CES4A: variants seen among roughly 807,000 people sequenced by gnomAD.
CES4A encodes the protein carboxylesterase 6.
Under a neutral mutation model 65.4 loss-of-function variants are expected in CES4A, and 48 were observed. The observed-to-expected ratio is 0.73, with a 90% CI of 0.58 to 0.93. The LOEUF is 0.93. Among genes scored for constraint, CES4A ranks in the 40% least tolerant of loss-of-function variants. The pLI is 0.00. For missense variants in CES4A, 685 were observed against 728.5 expected (o/e 0.94, Z 0.69); for synonymous variants, 247 against 281.8 (o/e 0.88, Z 1.24).
Position 67,009,032 on chromosome 16 carries a change from C to G in CES4A, c.1576C>G (p.Leu526Val), listed in dbSNP as rs1332589387. The change falls in exon 14 of 14, where the codon CTG (leucine) becomes GTG (valine). Residue 526 changes from leucine to valine, a missense_variant. Coordinates refer to ENST00000648724, the Ensembl canonical transcript of CES4A. ...ACGCTACAACAAGGATGAAAAGTAC[C>G]TGCAGCTGGATTTTACCACAAGAGT... 2 of 1,614,198 alleles carry G rather than the reference C, an allele frequency of 1.2e-6. No homozygotes were observed. The highest frequency in any genetic ancestry group is 1.7e-6 in the Non-Finnish European group (2 of 1,180,038).
chr16:66,994,216 TTTTATTTATTTA>T (rs59252158), intron 1 of CES4A, among the ~76,000 whole-genome samples: 24 of 144,196 alleles, frequency 1.7e-4, no homozygotes, highest in Non-Finnish European at 2.1e-4. Flanking sequence ...AGACATAAAT[TTTTATTTATTTA>T]TTTATTTATT....
intron 11 of CES4A, 85 bp downstream of exon 11, chr16:67,005,478 C>T: frequency 2.3e-6 from 3 of 1,297,656 alleles, no homozygotes; most frequent in Non-Finnish European, 3.2e-6. Flanking sequence ...TCGACTGCTC[C>T]CCTACCCTCT....
chr16:67,000,389 G>A lies in CES4A; in HGVS notation c.261-249G>A. ...GTTCCTGCCTTGACAGCACCAACAG[G>A]AGCAGGAATCTCTCCACGGACTGAG... On this transcript the variant is annotated intron_variant, in intron 2 of 13. Coordinates refer to ENST00000648724, the Ensembl canonical transcript of CES4A. This position sits in a 1 kb window ranked among gnomAD's most constrained non-coding sequence, Gnocchi z 4.2. The A allele has an allele frequency of 1.2e-6, 1 of 812,662 alleles. No homozygotes were observed. The highest frequency in any genetic ancestry group is 1.5e-6 in the Non-Finnish European group (1 of 672,364). 50.3% of individuals were successfully genotyped at this position (812,662 alleles called of 1,614,324 possible).
At chr16:66,999,185 C>G (rs529510269) in intron 2 of CES4A, among the ~76,000 whole-genome samples, 131 of 152,278 alleles carry the variant, frequency 8.6e-4, no homozygotes, top group Admixed American at 2.1e-3. Flanking sequence ...GCAGGTGATG[C>G]TCTGGGAACA....
intron 1 of CES4A, among the ~76,000 whole-genome samples, chr16:66,990,831 A>G (rs535069925): frequency 8.6e-5 from 13 of 151,982 alleles, no homozygotes; most frequent in Non-Finnish European, 1.9e-4. Context: ...TTGAGTCTGT[A>G]GTTACATTGG....
At chr16:66,988,816 C>A (rs370940783) in exon 1 of CES4A, 1 of 1,567,936 alleles carries the variant, frequency 6.4e-7, no homozygotes, top group African/African-American at 1.4e-5. Context: ...TGCCTGATGG[C>A]GCAGACGGCC....
In CES4A at chr16:67,004,251, C is replaced by T. The variant is rs780812825; in HGVS notation, c.1080+27C>T. On this transcript the variant is annotated intron_variant, in intron 9 of 13. Coordinates refer to ENST00000648724, the Ensembl canonical transcript of CES4A. ...TAAGTGAGTAGGAGTTCAATTGGCT[C>T]TTGCCTTACGTAAGTGAGTACCATA... 1.9e-6 allele frequency: 3 copies of T among 1,613,400 alleles called. No individual in the cohort carries two copies. In the South Asian group the frequency reaches 3.3e-5, roughly 18 times the overall value.
chr16:66,994,937 GA>G (rs1964706372), intron 1 of CES4A, among the ~76,000 whole-genome samples: 1 of 152,088 alleles, frequency 6.6e-6, no homozygotes, highest in Admixed American at 6.5e-5. Flanking sequence ...CTGGAAGGTG[GA>G]GGTTGCAGTG....
Position 67,001,522 on chromosome 16 carries a change from A to G in CES4A, c.690+61A>G. On this transcript the variant is annotated intron_variant, in intron 5 of 13. Coordinates refer to ENST00000648724, the Ensembl canonical transcript of CES4A. The surrounding 1 kb of genome is among the most constrained non-coding windows in gnomAD (Gnocchi z 4.1). Reference sequence around the variant, plus strand: ...TAGGCTCCTGCGTTCCCACAAATGTATGCTCCACTGCACAGGCCATGTGCA... The same window carrying G: ...TAGGCTCCTGCGTTCCCACAAATGTGTGCTCCACTGCACAGGCCATGTGCA... 1 of 1,521,700 alleles carries G rather than the reference A, an allele frequency of 6.6e-7. No homozygotes were observed. The highest frequency in any genetic ancestry group is 8.9e-7 in the Non-Finnish European group (1 of 1,128,432). 94.3% of individuals were successfully genotyped at this position (1,521,700 alleles called of 1,614,324 possible). A position where few individuals can be genotyped will look rare whatever the true frequency, so the allele number is the denominator to read the frequency against.
intron 1 of CES4A, among the ~76,000 whole-genome samples, chr16:66,995,264 T>C (rs1051381484): frequency 6.6e-6 from 1 of 151,362 alleles, no homozygotes; most frequent in African/African-American, 2.4e-5. Context: ...GAGCCGAGAT[T>C]GCGCCACTGC....
In CES4A at chr16:67,001,079, A is replaced by AT. The variant is rs1180523637; in HGVS notation, c.536+90dup. On this transcript the variant is annotated intron_variant, in intron 4 of 13. Coordinates refer to ENST00000648724, the Ensembl canonical transcript of CES4A. The surrounding 1 kb of genome is among the most constrained non-coding windows in gnomAD (Gnocchi z 4.1). ...GGGAGGGGCGGGGCCTGGGGCGGGG[A>AT]TGGGGGGGGTGGGGCCGCGAGGCGG... 3.3e-5 allele frequency: 4 copies of AT among 122,930 alleles called. No individual in the cohort carries two copies. The highest frequency in any genetic ancestry group is 1.9e-4 in the African/African-American group (1 of 5,190). The allele number at this position is 122,930 out of a possible 1,614,324, so 7.6% of individuals were successfully genotyped here.
In CES4A at chr16:67,003,431, C is replaced by A; in HGVS notation, c.900+71C>A. The A allele has an allele frequency of 1.3e-6, 2 of 1,585,836 alleles. No individual in the cohort carries two copies. The highest frequency in any genetic ancestry group is 1.7e-6 in the Non-Finnish European group (2 of 1,154,606). On this transcript the variant is annotated intron_variant, in intron 7 of 13. Transcript: ENST00000648724. This position sits in a 1 kb window ranked among gnomAD's most constrained non-coding sequence, Gnocchi z 4.2. Reference sequence around the variant, plus strand: ...TCCTCCTATCCTGGTACCCAGCCACCCCCAACTACTTCCCCAGGGACCCTG... The same window carrying A: ...TCCTCCTATCCTGGTACCCAGCCACACCCAACTACTTCCCCAGGGACCCTG...
chr16:67,000,716 C>T lies in CES4A; in HGVS notation c.339C>T (p.Ser113=). The T allele has an allele frequency of 6.4e-7, 1 of 1,550,414 alleles. No individual in the cohort carries two copies. Among genetic ancestry groups the T allele is most frequent in the Non-Finnish European group, 8.7e-7 (1 of 1,147,192 alleles). ...AACGGTACAAGTGGCTGCGCTTCAG[C>T]GAGGACTGTCTGTACCTGAACGTGT... Residue 113 remains serine, a synonymous_variant, in exon 3 of 14, where the codon AGC becomes AGT. Transcript: ENST00000648724. This position sits in a 1 kb window ranked among gnomAD's most constrained non-coding sequence, Gnocchi z 4.2.
In CES4A at chr16:67,005,102, C is replaced by T. The variant is rs1339036989; in HGVS notation, c.1162-138C>T. 4 of 925,074 alleles carry T rather than the reference C, an allele frequency of 4.3e-6. No individual in the cohort carries two copies. In the Admixed American group the frequency reaches 8.4e-5, roughly 19 times the overall value. 57.3% of individuals were successfully genotyped at this position (925,074 alleles called of 1,614,324 possible). On this transcript the variant is annotated intron_variant, in intron 10 of 13. Transcript: ENST00000648724. ...GGGTTACAATCAGCAGAGACAGAAA[C>T]TTTCCCAGGAAGCTCCCTTTCTCCC...
chr16:67,001,118 C>A lies in CES4A; in HGVS notation c.536+128C>A. 7.5e-7 allele frequency: 1 copy of A among 1,332,540 alleles called. No individual in the cohort carries two copies. Among genetic ancestry groups the A allele is most frequent in the Non-Finnish European group, 1.0e-6 (1 of 994,804 alleles). The allele number at this position is 1,332,540 out of a possible 1,614,324, so 82.5% of individuals were successfully genotyped here. A position where few individuals can be genotyped will look rare whatever the true frequency, so the allele number is the denominator to read the frequency against. On this transcript the variant is annotated intron_variant, in intron 4 of 13. Coordinates refer to ENST00000648724, the Ensembl canonical transcript of CES4A. The surrounding 1 kb of genome is among the most constrained non-coding windows in gnomAD (Gnocchi z 4.1). ...GCCGCGAGGCGGGGGCGGGGCCTGG[C>A]GCTCGGTGGAAGGGGCGGGCGCTCC...
In CES4A at chr16:66,995,830, G is replaced by T; in HGVS notation, c.260+1G>T. ...GAGATGCTACCACCTACCCGCCTGG[G>T]TAAGAGTCAGAGGCCTGTCCACTGG... On this transcript the variant is annotated splice_donor_variant, in intron 2 of 13. Transcript: ENST00000648724. LOFTEE classifies it high-confidence loss of function. The T allele has an allele frequency of 1.2e-6, 2 of 1,613,106 alleles. No homozygotes were observed. Among genetic ancestry groups the T allele is most frequent in the Non-Finnish European group, 1.7e-6 (2 of 1,179,882 alleles).
chr16:67,003,883 G>A lies in CES4A; in HGVS notation c.940-201G>A, dbSNP rs765191782. ...GGAGTGAGCTATACAGATACCCGCGGCCATCCCAAGTCCACGTAATTTGGT... is the reference window on the plus strand; with the variant it reads ...GGAGTGAGCTATACAGATACCCGCGACCATCCCAAGTCCACGTAATTTGGT... On this transcript the variant is annotated intron_variant, in intron 8 of 13. Coordinates refer to ENST00000648724, the Ensembl canonical transcript of CES4A. This position sits in a 1 kb window ranked among gnomAD's most constrained non-coding sequence, Gnocchi z 4.2. 1.3e-5 allele frequency among the ~76,000 whole-genome samples: 2 copies of A among 152,082 alleles called. No homozygotes were observed. The highest frequency in any genetic ancestry group is 2.4e-5 in the African/African-American group (1 of 41,404).
intron 8 of CES4A, 82 bp from the exon 9 acceptor site, chr16:67,004,002 G>A: frequency 1.4e-6 from 2 of 1,447,780 alleles, no homozygotes; most frequent in Admixed American, 3.5e-5. Flanking sequence ...GGCTAGAGCA[G>A]CCTCTGAAGG....
exon 14 of CES4A, chr16:67,009,425 C>T (rs568861297): frequency 9.5e-6 from 3 of 316,686 alleles, no homozygotes; most frequent in South Asian, 2.0e-4. Context: ...TCTCCAGCCT[C>T]AGGACAACCT....
Sources: gnomAD v4.1 joint callset for allele counts (sites outside exome capture counted in the v4.1 genomes callset) on GRCh38, gnomAD v4.1.1 for gene constraint, Gnocchi (gnomAD v3.1) non-coding constraint, MANE v1.5 for transcripts, NCBI Gene and HGNC (gene_info 2026-07-23, HGNC 2026-07-21) for gene names.